Variants in APBA2 observed in about 807,000 individuals in gnomAD.
The protein encoded by APBA2 is amyloid beta precursor protein binding family A member 2, also known as amyloid-beta A4 precursor protein-binding family A member 2.
Under a neutral mutation model 75.0 loss-of-function variants are expected in APBA2, and 30 were observed. The ratio of observed to expected loss-of-function variants is 0.40; its 90% CI spans 0.30 to 0.54. The LOEUF (loss-of-function observed/expected upper bound fraction) is 0.54. Ranked by LOEUF, APBA2 falls within the 20% of genes least tolerant of loss-of-function variation. APBA2 has a pLI of 0.49. For missense variants in APBA2, 801 were observed against 1,016.1 expected (o/e 0.79, Z 2.88); for synonymous variants, 444 against 409.6 (o/e 1.08, Z -1.01).
At chr15:29,055,680 T>G (rs1429799098) in intron 4 of APBA2, among the ~76,000 whole-genome samples, 1 of 150,892 alleles carries the variant, frequency 6.6e-6, no homozygotes, top group East Asian at 2.0e-4. Flanking sequence ...TGTGTGTGTG[T>G]GTGTGTGTGT....
At chr15:29,032,428 G>A (rs2040534877) in intron 3 of APBA2, among the ~76,000 whole-genome samples, 2 of 152,358 alleles carry the variant, frequency 1.3e-5, no homozygotes, top group Non-Finnish European at 2.9e-5. Context: ...AGACTGGAAT[G>A]TCAACTCCTC....
chr15:28,962,159 A>C (rs942901018), intron 2 of APBA2, among the ~76,000 whole-genome samples: 6 of 152,126 alleles, frequency 3.9e-5, no homozygotes, highest in Non-Finnish European at 8.8e-5. Context: ...ATTGAGGTTC[A>C]TTGTGGCTGG....
intron 2 of APBA2, among the ~76,000 whole-genome samples, chr15:28,954,687 C>T (rs2036073829): frequency 6.6e-6 from 1 of 152,214 alleles, no homozygotes; most frequent in Non-Finnish European, 1.5e-5. Flanking sequence ...AGACGGCGCT[C>T]ACGGTCAGGC....
chr15:29,069,616 T>TTA (rs2042531589), intron 4 of APBA2, among the ~76,000 whole-genome samples: 1 of 152,220 alleles, frequency 6.6e-6, no homozygotes, highest in Non-Finnish European at 1.5e-5. Flanking sequence ...GTGTGTCTGT[T>TTA]TATACCCTGG....
At chr15:29,109,576 G>A (rs1330221952) in intron 13 of APBA2, among the ~76,000 whole-genome samples, 1 of 152,200 alleles carries the variant, frequency 6.6e-6, no homozygotes, top group Non-Finnish European at 1.5e-5. Flanking sequence ...AAGACCTTGT[G>A]AAGGTTTTCA....
rs1354628773 is a variant in APBA2 at position 28,991,634 on chromosome 15, G to A, written c.-94-4119G>A. Reference sequence around the variant, plus strand: ...TACCTGCCTTTCAGTATGGGCTGCAGCCATTAGGCTGGTACCAGGAGGAGC... The same window carrying A: ...TACCTGCCTTTCAGTATGGGCTGCAACCATTAGGCTGGTACCAGGAGGAGC... On this transcript the variant is annotated intron_variant, in intron 2 of 14. Transcript: ENST00000683413. The surrounding 1 kb of genome is among the most constrained non-coding windows in gnomAD (Gnocchi z 4.7). Among the ~76,000 whole-genome samples the A allele has an allele frequency of 6.6e-6, 1 of 152,188 alleles. No homozygotes were observed. Among genetic ancestry groups the A allele is most frequent in the African/African-American group, 2.4e-5 (1 of 41,450 alleles).
chr15:28,913,847 G>T (rs947782306), intron 1 of APBA2, among the ~76,000 whole-genome samples: 2 of 152,188 alleles, frequency 1.3e-5, no homozygotes, highest in Non-Finnish European at 2.9e-5. Flanking sequence ...TTCATGAATA[G>T]TCCTTGCTCT....
intron 1 of APBA2, among the ~76,000 whole-genome samples, chr15:28,887,800 CAG>C (rs1232278152): frequency 1.3e-5 from 2 of 152,134 alleles, no homozygotes; most frequent in Non-Finnish European, 1.5e-5. Flanking sequence ...GCAGCACTGT[CAG>C]GGGGGCCCTT....
At chr15:29,103,991 G>A (rs1035565966) in intron 10 of APBA2, among the ~76,000 whole-genome samples, 6 of 152,250 alleles carry the variant, frequency 3.9e-5, no homozygotes, top group Non-Finnish European at 8.8e-5. Flanking sequence ...TGCTGGGCGT[G>A]GGAACCGGCA....
At chr15:28,915,662 C>T (rs1439622912) in intron 1 of APBA2, among the ~76,000 whole-genome samples, 1 of 150,882 alleles carries the variant, frequency 6.6e-6, no homozygotes, top group African/African-American at 2.4e-5. Flanking sequence ...AGCATATATA[C>T]ACACACCATG....
chr15:29,033,436 G>A (rs2040583820), intron 3 of APBA2, among the ~76,000 whole-genome samples: 1 of 152,128 alleles, frequency 6.6e-6, no homozygotes, highest in South Asian at 2.1e-4. Flanking sequence ...AGTCAGCCAA[G>A]CGAGAGGTTA....
intron 2 of APBA2, among the ~76,000 whole-genome samples, chr15:28,981,214 A>G (rs1205650142): frequency 6.6e-6 from 1 of 152,214 alleles, no homozygotes; most frequent in African/African-American, 2.4e-5. Context: ...GCAAAAGAGT[A>G]AACAGACAAC....
At chr15:29,114,342 C>T (rs2044925420) in intron 14 of APBA2, among the ~76,000 whole-genome samples, 1 of 152,216 alleles carries the variant, frequency 6.6e-6, no homozygotes, top group African/African-American at 2.4e-5. Context: ...CCTCTCTGCC[C>T]TTGCTGGCCA....
chr15:29,105,259 G>T, intron 10 of APBA2, 120 bp from the exon 11 acceptor site: 1 of 986,690 alleles, frequency 1.0e-6, no homozygotes, highest in South Asian at 1.5e-5. Context: ...GCCCGAGCAA[G>T]GGCTCCCTTG....
At position 29,081,041 on chromosome 15, in the gene APBA2, G is replaced by T. The variant is rs555617439; in HGVS notation, c.1069+4950G>T. ...CAGCTCCGTGTGGATCATGTGGAAGGCATGGAGATTACATGCCCCAGACCT... is the reference window on the plus strand; with the variant it reads ...CAGCTCCGTGTGGATCATGTGGAAGTCATGGAGATTACATGCCCCAGACCT... On this transcript the variant is annotated intron_variant, in intron 6 of 14. Transcript: ENST00000683413. Among the ~76,000 whole-genome samples, 37 of 152,252 alleles carry T rather than the reference G, an allele frequency of 2.4e-4. 1 individual carries two copies. The South Asian group carries it at 7.7e-3, about 32-fold the overall frequency.
chr15:29,098,980 G>A (rs544592894), intron 9 of APBA2, among the ~76,000 whole-genome samples: 16 of 152,074 alleles, frequency 1.1e-4, no homozygotes, highest in Non-Finnish European at 2.1e-4. Flanking sequence ...GCACAGGGGC[G>A]CCCTTCCTCA....
intron 3 of APBA2, among the ~76,000 whole-genome samples, chr15:29,034,007 G>C (rs2040621958): frequency 6.6e-6 from 1 of 151,186 alleles, no homozygotes; most frequent in Non-Finnish European, 1.5e-5. Flanking sequence ...GGACACCTAG[G>C]GTGAAGTCTG....
intron 3 of APBA2, among the ~76,000 whole-genome samples, chr15:29,003,523 T>A (rs1487745550): frequency 6.6e-6 from 1 of 151,934 alleles, no homozygotes. Context: ...ACCTGCGGAG[T>A]CTCTATGGAG....
intron 2 of APBA2, among the ~76,000 whole-genome samples, chr15:28,989,605 G>A (rs927062536): frequency 6.6e-6 from 1 of 152,174 alleles, no homozygotes; most frequent in East Asian, 1.9e-4. Flanking sequence ...CTGCCTGAAC[G>A]GAAAACGAAA....
Sources: gnomAD v4.1 joint callset for allele counts (sites outside exome capture counted in the v4.1 genomes callset) on GRCh38, gnomAD v4.1.1 for gene constraint, Gnocchi (gnomAD v3.1) non-coding constraint, MANE v1.5 for transcripts, NCBI Gene and HGNC (gene_info 2026-07-23, HGNC 2026-07-21) for gene names.